ITGB5: variants seen among roughly 807,000 people sequenced by gnomAD.
The protein encoded by ITGB5 is integrin subunit beta 5.
ITGB5 carries 38 observed loss-of-function variants against 84.8 expected under a neutral mutation model. That is an observed-to-expected ratio of 0.45 (90% CI 0.35 to 0.59). The LOEUF is 0.59. Ranked by LOEUF, ITGB5 falls within the 20% of genes least tolerant of loss-of-function variation. The pLI is 0.01. For synonymous variants in ITGB5, 393 were observed against 414.4 expected (o/e 0.95, Z 0.63); for missense variants, 905 against 1,034.5 (o/e 0.87, Z 1.72).
chr3:124,882,278 G>A (rs1934607068), intron 1 of ITGB5, among the ~76,000 whole-genome samples: 1 of 152,206 alleles, frequency 6.6e-6, no homozygotes, highest in Admixed American at 6.5e-5. Context: ...AAATAGTGAA[G>A]AAGATATGTA....
chr3:124,803,711 A>T (rs898211678), intron 9 of ITGB5, among the ~76,000 whole-genome samples: 1 of 152,218 alleles, frequency 6.6e-6, no homozygotes, highest in African/African-American at 2.4e-5. Context: ...AGGGGGGCTC[A>T]GTCAGCGGCA....
chr3:124,830,135 C>T lies in ITGB5; in HGVS notation c.781-8661G>A, dbSNP rs188333116. On this transcript the variant is annotated intron_variant, in intron 5 of 14. Coordinates refer to ENST00000296181, the MANE Select transcript of ITGB5 (RefSeq NM_002213.5). The stretch of plus-strand genomic sequence containing the variant: ...GGACCTGGTTTCACTAGTTTGAGGA[C>T]GCAAGCTTCCAGCCTGTGGAGCAAT... Among the ~76,000 whole-genome samples, 1,014 of 152,266 alleles carry T rather than the reference C, an allele frequency of 6.7e-3. 20 individuals are homozygous for T. The highest frequency in any genetic ancestry group is 0.037 in the South Asian group (176 of 4,818).
chr3:124,856,780 G>A (rs997595352), intron 3 of ITGB5, among the ~76,000 whole-genome samples: 13 of 151,934 alleles, frequency 8.6e-5, no homozygotes, highest in African/African-American at 2.4e-4. Context: ...TATCCCTTTC[G>A]GTCCAAACCC....
Position 124,859,325 on chromosome 3 carries a change from G to A in ITGB5, c.278C>T (p.Pro93Leu), listed in dbSNP as rs1280829394. The A allele has an allele frequency of 6.2e-7, 1 of 1,614,058 alleles. No homozygotes were observed. The highest frequency in any genetic ancestry group is 2.2e-5 in the East Asian group (1 of 44,874). ...AGAGCCCGAACCCTTGCTGCTGAGG[G>A]GCAGGCTCCTCAGGACATGGAAGCT... is the stretch of plus-strand genomic sequence containing the variant. ...ASSFHVLRSL[P>L]LSSKGSGSAG... is the part of the protein sequence containing the mutation. The change falls in exon 3 of 15, where the codon CCC becomes CTC. Residue 93 changes from proline to leucine, a missense_variant. Pro to Leu is a moderately conservative substitution (Grantham distance 98). Transcript: ENST00000296181.
At chr3:124,845,159 G>A (rs576154608) in intron 4 of ITGB5, among the ~76,000 whole-genome samples, 21 of 152,350 alleles carry the variant, frequency 1.4e-4, no homozygotes, top group African/African-American at 3.8e-4. Flanking sequence ...TAGGCTGGGC[G>A]TGGTGGCCCA....
chr3:124,815,313 G>C (rs1328685939), intron 8 of ITGB5, among the ~76,000 whole-genome samples: 2 of 152,242 alleles, frequency 1.3e-5, no homozygotes, highest in Non-Finnish European at 2.9e-5. Context: ...AAGCCGCCAG[G>C]AGCAGGGGGC....
intron 1 of ITGB5, among the ~76,000 whole-genome samples, chr3:124,896,891 T>C (rs1935114243): frequency 6.7e-6 from 1 of 148,236 alleles, no homozygotes; most frequent in African/African-American, 2.5e-5. Context: ...TGAGACCTTG[T>C]CTCTACAAAA....
intron 5 of ITGB5, among the ~76,000 whole-genome samples, chr3:124,824,266 T>C (rs1311049885): frequency 1.3e-5 from 2 of 151,938 alleles, no homozygotes; most frequent in Non-Finnish European, 2.9e-5. Flanking sequence ...CTGGGATAGA[T>C]AGAGCAAAAA....
rs74659691 is a variant in ITGB5 at position 124,772,813 on chromosome 3, G to A, written c.1916+877C>T. On this transcript the variant is annotated intron_variant, in intron 11 of 14. Transcript: ENST00000296181. The stretch of plus-strand genomic sequence containing the variant: ...CATTCAGCAGCAGCACAGAGCCCGT[G>A]TTCTATTATCTGTATAAATGGAGCA... Among the ~76,000 whole-genome samples the A allele has an allele frequency of 9.9e-3, 1,499 of 151,676 alleles. 60 individuals are homozygous for A. In the East Asian group the frequency reaches 0.11, roughly 11 times the overall value.
Position 124,896,916 on chromosome 3 carries a change from C to CAAA in ITGB5, c.-255+4347_-255+4349dup, listed in dbSNP as rs5852431. ...TCTCTACAAAAGAAAAAAGAAAAGC[C>CAAA]AAAAAAAAAAAAAATTTAAAAAGAA... On this transcript the variant is annotated intron_variant, in intron 1 of 4. Coordinates refer to the ITGB5 transcript ENST00000608657. Among the ~76,000 whole-genome samples, 609 of 137,606 alleles carry CAAA rather than the reference C, an allele frequency of 4.4e-3. 1 individual carries two copies. Among genetic ancestry groups the CAAA allele is most frequent in the African/African-American group, 0.014 (522 of 37,344 alleles). 90.3% of individuals were successfully genotyped at this position (137,606 alleles called of 152,430 possible).
chr3:124,812,999 G>A (rs761373746), intron 8 of ITGB5, among the ~76,000 whole-genome samples: 38 of 152,098 alleles, frequency 2.5e-4, no homozygotes, highest in Non-Finnish European at 8.8e-5. Flanking sequence ...CCACTCGGAC[G>A]GTGAGGTGAC....
In ITGB5 at chr3:124,773,681, A is replaced by G; in HGVS notation, c.1916+9T>C. On this transcript the variant is annotated intron_variant, in intron 11 of 14. Transcript: ENST00000296181. ...AGAAGTAAGGTGGGGCTGTCAGTGG[A>G]ACCAGTACCTCTTGGTGCTGCATGC... 2 of 1,611,394 alleles carry G rather than the reference A, an allele frequency of 1.2e-6. No homozygotes were observed. Among genetic ancestry groups the G allele is most frequent in the Non-Finnish European group, 1.7e-6 (2 of 1,179,410 alleles).
At chr3:124,861,135 A>G (rs2065290598) in intron 2 of ITGB5, among the ~76,000 whole-genome samples, 1 of 152,266 alleles carries the variant, frequency 6.6e-6, no homozygotes, top group African/African-American at 2.4e-5. Flanking sequence ...TTAAATAAGT[A>G]AAGCCAGATG....
chr3:124,766,627 G>GTTT (rs1023362128), intron 12 of ITGB5, among the ~76,000 whole-genome samples: 4 of 152,194 alleles, frequency 2.6e-5, no homozygotes, highest in African/African-American at 9.7e-5. Flanking sequence ...ATAACAGAAG[G>GTTT]TTTTAATGGT....
At chr3:124,872,816 AG>A (rs545013289) in intron 2 of ITGB5, among the ~76,000 whole-genome samples, 845 of 152,026 alleles carry the variant, frequency 5.6e-3, no homozygotes, top group Non-Finnish European at 8.8e-3. Context: ...TATGTTGTCT[AG>A]GCTGGACTCA....
chr3:124,864,613 T>C (rs552516952), intron 2 of ITGB5, among the ~76,000 whole-genome samples: 69 of 152,186 alleles, frequency 4.5e-4, no homozygotes, highest in Middle Eastern at 3.4e-3. Flanking sequence ...GAACAACAGA[T>C]ACTGTGAACT....
At chr3:124,873,354 T>C (rs762342313) in intron 2 of ITGB5, 92 bp downstream of exon 2, 2 of 864,142 alleles carry the variant, frequency 2.3e-6, no homozygotes. Context: ...TTTTTATGTA[T>C]AGTGAATTAG....
At chr3:124,803,070 C>T (rs2064340909) in intron 9 of ITGB5, among the ~76,000 whole-genome samples, 1 of 152,242 alleles carries the variant, frequency 6.6e-6, no homozygotes, top group South Asian at 2.1e-4. Flanking sequence ...TTTAGTGTCG[C>T]TTCGAATGCT....
intron 11 of ITGB5, among the ~76,000 whole-genome samples, chr3:124,771,440 C>T (rs949222499): frequency 6.6e-6 from 1 of 152,092 alleles, no homozygotes; most frequent in Non-Finnish European, 1.5e-5. Context: ...GTCAGTGTGG[C>T]CCAGAGACAA....
Sources: gnomAD v4.1 joint callset for allele counts (sites outside exome capture counted in the v4.1 genomes callset) on GRCh38, gnomAD v4.1.1 for gene constraint, MANE v1.5 for transcripts, NCBI Gene and HGNC (gene_info 2026-07-23, HGNC 2026-07-21) for gene names.